Variants in SPAG16 observed in about 807,000 individuals in gnomAD.
SPAG16 encodes the protein sperm associated antigen 16.
In SPAG16, 86 loss-of-function variants were observed where a neutral mutation model predicts 80.4. The observed-to-expected ratio is 1.07, with a 90% CI of 0.90 to 1.28. SPAG16 has a LOEUF of 1.28. Ranked by LOEUF, SPAG16 falls within the 50% of genes most tolerant of loss-of-function variation. SPAG16 has a pLI of 0.00. For synonymous variants in SPAG16, 294 were observed against 265.9 expected (o/e 1.11, Z -1.03); for missense variants, 870 against 765.3 (o/e 1.14, Z -1.61).
intron 15 of SPAG16, among the ~76,000 whole-genome samples, chr2:214,230,805 GAGGAGGGGTCATTACAGAAATAGCAAGC>G (rs961325299): frequency 6.6e-6 from 1 of 151,874 alleles, no homozygotes; most frequent in African/African-American, 2.4e-5. Context: ...GGGAGGCAAT[GAGGAGGGGTCATTACAGAAATAGCAAGC>G]AGTTGTGGCA....
chr2:214,218,215 G>A (rs952861942), intron 15 of SPAG16, among the ~76,000 whole-genome samples: 7 of 152,230 alleles, frequency 4.6e-5, no homozygotes, highest in East Asian at 3.9e-4. Flanking sequence ...TTTGGTTGAA[G>A]CATAGGAAAA....
chr2:213,947,574 T>C (rs539605336), intron 12 of SPAG16, among the ~76,000 whole-genome samples: 1 of 152,298 alleles, frequency 6.6e-6, no homozygotes, highest in Non-Finnish European at 1.5e-5. Context: ...GAAAGTGCCC[T>C]GTGTATTCTG....
At chr2:214,235,440 A>G (rs2125812670) in intron 15 of SPAG16, among the ~76,000 whole-genome samples, 1 of 152,270 alleles carries the variant, frequency 6.6e-6, no homozygotes, top group African/African-American at 2.4e-5. Flanking sequence ...TAAAGAATTT[A>G]ATGTGCATTT....
At chr2:214,377,109 G>A (rs1016002035) in intron 15 of SPAG16, among the ~76,000 whole-genome samples, 1 of 152,136 alleles carries the variant, frequency 6.6e-6, no homozygotes, top group Non-Finnish European at 1.5e-5. Flanking sequence ...CTATTGTGGT[G>A]AGCTCAAGTG....
chr2:214,042,597 G>T (rs1690499721), intron 13 of SPAG16, among the ~76,000 whole-genome samples: 1 of 152,072 alleles, frequency 6.6e-6, no homozygotes, highest in South Asian at 2.1e-4. Flanking sequence ...GATTCTACAA[G>T]AAATAAAGAT....
chr2:213,913,660 T>C (rs1167699244), intron 11 of SPAG16, among the ~76,000 whole-genome samples: 35 of 100,220 alleles, frequency 3.5e-4, no homozygotes, highest in African/African-American at 6.3e-4. Context: ...TGTACATATA[T>C]GTATATGTAC....
At chr2:214,244,986 T>G (rs1689739148) in intron 15 of SPAG16, among the ~76,000 whole-genome samples, 1 of 152,118 alleles carries the variant, frequency 6.6e-6, no homozygotes, top group African/African-American at 2.4e-5. Flanking sequence ...TTCCAAACCT[T>G]TTACTATGCC....
At chr2:213,444,803 C>G (rs992308739) in intron 9 of SPAG16, among the ~76,000 whole-genome samples, 4 of 151,982 alleles carry the variant, frequency 2.6e-5, no homozygotes, top group African/African-American at 9.7e-5. Context: ...TCAAAAAGAA[C>G]AAAGCTGTAG....
intron 10 of SPAG16, among the ~76,000 whole-genome samples, chr2:213,792,040 T>C (rs1456330333): frequency 1.3e-5 from 2 of 152,238 alleles, no homozygotes; most frequent in African/African-American, 2.4e-5. Flanking sequence ...TGTCTTTCTT[T>C]TTTCTTAAAA....
In SPAG16 at chr2:213,862,481, G is replaced by T. The variant is rs2248214; in HGVS notation, c.1071-4G>T. 5.5e-3 allele frequency: 8,800 copies of T among 1,612,676 alleles called. 404 individuals are homozygous for T. The African/African-American group carries it at 0.098, about 18-fold the overall frequency. ...ATAACTCTTTTTTCTTTCTCCTCGC[G>T]CAGTGTCTCCATGCAACCCCACAAA... On this transcript the variant is annotated splice_region_variant and splice_polypyrimidine_tract_variant and intron_variant, in intron 10 of 15. Transcript: ENST00000331683.
intron 15 of SPAG16, among the ~76,000 whole-genome samples, chr2:214,170,018 T>G (rs74756005): frequency 6.6e-6 from 1 of 152,062 alleles, no homozygotes; most frequent in Non-Finnish European, 1.5e-5. Flanking sequence ...TGTTACAGAA[T>G]GCTAAAATTC....
At chr2:213,781,690 A>G (rs1021818858) in intron 10 of SPAG16, among the ~76,000 whole-genome samples, 14 of 152,166 alleles carry the variant, frequency 9.2e-5, no homozygotes, top group African/African-American at 3.1e-4. Context: ...AGGACTGTGC[A>G]CTGGGTAAAT....
intron 10 of SPAG16, among the ~76,000 whole-genome samples, chr2:213,564,364 A>T (rs2125989830): frequency 6.6e-6 from 1 of 152,100 alleles, no homozygotes; most frequent in Admixed American, 6.6e-5. Flanking sequence ...GTGTGGTGGC[A>T]GGTGCCTGTA....
intron 7 of SPAG16, among the ~76,000 whole-genome samples, chr2:213,361,031 G>A (rs2065950091): frequency 6.6e-6 from 1 of 151,820 alleles, no homozygotes; most frequent in Admixed American, 6.6e-5. Flanking sequence ...AAGAAGGATT[G>A]TATAATAATT....
intron 10 of SPAG16, among the ~76,000 whole-genome samples, chr2:213,788,946 TTCTC>T (rs2070514922): frequency 1.3e-5 from 2 of 151,932 alleles, no homozygotes; most frequent in African/African-American, 2.4e-5. Context: ...GTATAATTCC[TTCTC>T]TCTGTTTTTA....
intron 1 of SPAG16, among the ~76,000 whole-genome samples, chr2:213,286,727 C>G (rs1229632409): frequency 6.6e-6 from 1 of 152,232 alleles, no homozygotes; most frequent in Non-Finnish European, 1.5e-5. Flanking sequence ...TCAACAGATG[C>G]TCCTAGTACA....
intron 8 of SPAG16, among the ~76,000 whole-genome samples, chr2:213,368,885 T>C (rs1002417144): frequency 1.3e-5 from 2 of 152,156 alleles, no homozygotes; most frequent in African/African-American, 2.4e-5. Flanking sequence ...CAAGGAGAAC[T>C]ACAAACCACT....
intron 10 of SPAG16, among the ~76,000 whole-genome samples, chr2:213,807,609 C>T (rs892624380): frequency 2.6e-5 from 4 of 152,154 alleles, no homozygotes; most frequent in African/African-American, 9.7e-5. Context: ...AACCACACAA[C>T]CTATTTTCTT....
At chr2:213,501,523 A>G (rs1040217309) in intron 10 of SPAG16, among the ~76,000 whole-genome samples, 1 of 152,214 alleles carries the variant, frequency 6.6e-6, no homozygotes, top group Non-Finnish European at 1.5e-5. Context: ...GGGAACTGAC[A>G]TGATAATGCC....
Sources: gnomAD v4.1 joint callset for allele counts (sites outside exome capture counted in the v4.1 genomes callset) on GRCh38, gnomAD v4.1.1 for gene constraint, MANE v1.5 for transcripts, NCBI Gene and HGNC (gene_info 2026-07-23, HGNC 2026-07-21) for gene names.